The following ERO1A variants were observed in gnomAD, a reference collection of about 807,000 sequenced individuals.
The protein encoded by ERO1A is ERO1-like protein alpha.
ERO1A carries 49 observed loss-of-function variants against 76.9 expected under a neutral mutation model. That is an observed-to-expected ratio of 0.64 (90% CI 0.51 to 0.81). ERO1A has a LOEUF of 0.81. ERO1A is among the 30% of genes least tolerant of loss of function. The pLI, the probability that ERO1A is intolerant of heterozygous loss-of-function variation, is 0.00. For synonymous variants in ERO1A, 174 were observed against 181.2 expected, an observed-to-expected ratio of 0.96 and a Z score of 0.32; for missense variants, 448 against 542.1, an observed-to-expected ratio of 0.83 and a Z score of 1.72.
chr14:52,672,498 G>A (rs1387525111), intron 4 of ERO1A, among the ~76,000 whole-genome samples: 1 of 151,774 alleles, frequency 6.6e-6, no homozygotes, highest in South Asian at 2.1e-4. Context: ...CCTGGGTGTG[G>A]TGGCTCATGC....
intron 15 of ERO1A, among the ~76,000 whole-genome samples, chr14:52,644,983 T>A (rs1206204228): frequency 1.3e-5 from 2 of 152,204 alleles, no homozygotes; most frequent in Admixed American, 1.3e-4. Flanking sequence ...TCTCAGCATT[T>A]CTTGCATGAT....
chr14:52,652,369 A>C lies in ERO1A; in HGVS notation c.1056-61T>G, dbSNP rs770261482. On this transcript the variant is annotated intron_variant, in intron 12 of 15. Transcript: ENST00000395686. ...GTTATAAATATTAAAAGTCCTGCTA[A>C]TACAACATTTTACTGGTCATGATAA... 6.9e-6 allele frequency: 8 copies of C among 1,152,276 alleles called. No individual in the cohort carries two copies. In the South Asian group the frequency reaches 8.9e-5, roughly 13 times the overall value. 71.4% of individuals were successfully genotyped at this position (1,152,276 alleles called of 1,614,324 possible). A position where few individuals can be genotyped will look rare whatever the true frequency, so the allele number is the denominator to read the frequency against.
At chr14:52,656,537 C>A (rs1264617070) in intron 11 of ERO1A, among the ~76,000 whole-genome samples, 1 of 151,810 alleles carries the variant, frequency 6.6e-6, no homozygotes, top group Admixed American at 6.6e-5. Context: ...ATGGTGAAAC[C>A]CCGTCTCTAC....
chr14:52,652,595 C>A (rs772455352), intron 12 of ERO1A, among the ~76,000 whole-genome samples: 6 of 152,054 alleles, frequency 3.9e-5, no homozygotes, highest in East Asian at 1.9e-4. Context: ...CCTCTCAGTA[C>A]CCAAATCAAA....
chr14:52,657,896 A>AT, intron 11 of ERO1A, 21 bp downstream of exon 11: 3 of 1,531,898 alleles, frequency 2.0e-6, no homozygotes, highest in Non-Finnish European at 2.7e-6. Context: ...GGTAGACTGA[A>AT]TAAAAGTAAA....
intron 3 of ERO1A, 29 bp downstream of exon 3, chr14:52,682,296 C>T (rs375189783): frequency 1.4e-6 from 2 of 1,430,982 alleles, no homozygotes; most frequent in South Asian, 2.6e-5. Flanking sequence ...AAACATGTAA[C>T]AGTTTTTAAA....
chr14:52,695,311 A>C, intron 1 of ERO1A, 57 bp downstream of exon 1: 1 of 1,192,348 alleles, frequency 8.4e-7, no homozygotes, highest in Non-Finnish European at 1.1e-6. Context: ...GGCGTGCGGG[A>C]CAGTGCACGC....
chr14:52,668,281 C>T (rs1218770452), intron 6 of ERO1A, among the ~76,000 whole-genome samples: 1 of 152,154 alleles, frequency 6.6e-6, no homozygotes, highest in East Asian at 1.9e-4. Flanking sequence ...CATGGTGGCT[C>T]ACGCCTGTAA....
intron 11 of ERO1A, among the ~76,000 whole-genome samples, chr14:52,655,459 G>A (rs1003524301): frequency 2.0e-5 from 3 of 152,126 alleles, no homozygotes; most frequent in African/African-American, 4.8e-5. Context: ...TTAATGGTAA[G>A]TGAATAATTT....
intron 8 of ERO1A, 46 bp from the exon 9 acceptor site, chr14:52,661,350 G>A (rs1594824226): frequency 1.4e-6 from 2 of 1,405,464 alleles, no homozygotes; most frequent in South Asian, 1.7e-5. Context: ...TCCTTCCAGT[G>A]CCCCTTTTAT....
Position 52,657,902 on chromosome 14 carries a change from G to C in ERO1A, c.808+15C>G. On this transcript the variant is annotated intron_variant, in intron 11 of 15. Transcript: ENST00000395686. ...ATTAAGAGTGGTAGACTGAATAAAA[G>C]TAAATGTCACATACCTTGTAAAAGA... The C allele has an allele frequency of 6.4e-7, 1 of 1,556,780 alleles. No homozygotes were observed. The highest frequency in any genetic ancestry group is 8.8e-7 in the Non-Finnish European group (1 of 1,141,726).
chr14:52,674,802 G>A (rs1015437140), intron 4 of ERO1A, among the ~76,000 whole-genome samples: 3 of 152,138 alleles, frequency 2.0e-5, no homozygotes, highest in African/African-American at 7.2e-5. Context: ...AGAAGCCTAG[G>A]TTACACAGGT....
At chr14:52,682,218 A>C in intron 3 of ERO1A, 107 bp downstream of exon 3, 1 of 791,146 alleles carries the variant, frequency 1.3e-6, no homozygotes, top group Non-Finnish European at 2.0e-6. Flanking sequence ...ACATAGTGAA[A>C]CCTCATCTCT....
At chr14:52,659,629 G>C (rs1566638212) in intron 9 of ERO1A, among the ~76,000 whole-genome samples, 1 of 151,928 alleles carries the variant, frequency 6.6e-6, no homozygotes, top group South Asian at 2.1e-4. Context: ...AAAAGTGCCT[G>C]GCACAGAGTT....
At chr14:52,646,694 TA>T (rs2039669611) in intron 13 of ERO1A, 1 of 370,448 alleles carries the variant, frequency 2.7e-6, no homozygotes, top group South Asian at 8.7e-5. Flanking sequence ...CTAATGAATG[TA>T]AAAAACAAGA....
chr14:52,655,125 G>C (rs1345744103), intron 11 of ERO1A, among the ~76,000 whole-genome samples: 1 of 152,108 alleles, frequency 6.6e-6, no homozygotes, highest in Non-Finnish European at 1.5e-5. Flanking sequence ...CCAGCACTTT[G>C]GGAGGCCGAG....
chr14:52,684,427 G>A lies in ERO1A; in HGVS notation c.115-520C>T, dbSNP rs1570255. ...TGATTGTCCTCGGAATTCTTGGGGGGCAAAAAAAGATACACAAAGAAGCAG... is the reference window on the plus strand; with the variant it reads ...TGATTGTCCTCGGAATTCTTGGGGGACAAAAAAAGATACACAAAGAAGCAG... On this transcript the variant is annotated intron_variant, in intron 1 of 15. Coordinates refer to ENST00000395686, the MANE Select transcript of ERO1A (RefSeq NM_014584.3). Among the ~76,000 whole-genome samples the A allele has an allele frequency of 4.7e-3, 714 of 152,012 alleles. 8 individuals are homozygous for A. Among genetic ancestry groups the A allele is most frequent in the Non-Finnish European group, 6.1e-3 (414 of 67,944 alleles).
chr14:52,665,246 A>G (rs1379483869), intron 7 of ERO1A, among the ~76,000 whole-genome samples: 2 of 151,108 alleles, frequency 1.3e-5, no homozygotes, highest in Non-Finnish European at 3.0e-5. Context: ...AGGTTGCGGT[A>G]AGCAGAGATG....
intron 11 of ERO1A, 70 bp from the exon 12 acceptor site, chr14:52,653,385 T>C (rs1304263602): frequency 8.0e-7 from 1 of 1,243,010 alleles, no homozygotes; most frequent in Non-Finnish European, 1.1e-6. Flanking sequence ...TATTAGGTTA[T>C]TCATGCCTAT....
Sources: allele counts gnomAD v4.1 joint callset (sites outside exome capture counted in the v4.1 genomes callset), GRCh38; gene constraint gnomAD v4.1.1; transcripts MANE v1.5; gene names NCBI Gene and HGNC (gene_info 2026-07-23, HGNC 2026-07-21).